PCDHA11: variants seen among roughly 807,000 people sequenced by gnomAD.
PCDHA11 encodes protocadherin alpha 11, also known as protocadherin alpha-11.
PCDHA11 carries 61 observed loss-of-function variants against 70.3 expected under a neutral mutation model. The ratio of observed to expected loss-of-function variants is 0.87; its 90% CI spans 0.71 to 1.07. The LOEUF (loss-of-function observed/expected upper bound fraction) is 1.07, where lower values mean the gene tolerates loss of function less well. Among genes scored for constraint, PCDHA11 ranks in the 50% least tolerant of loss-of-function variants. PCDHA11 has a pLI of 0.00. For synonymous variants in PCDHA11, 633 were observed against 555.1 expected, an observed-to-expected ratio of 1.14 and a Z score of -1.97; for missense variants, 1,324 against 1,237.5, an observed-to-expected ratio of 1.07 and a Z score of -1.05.
chr5:140,936,134 C>A (rs782197390), intron 1 of PCDHA11, among the ~76,000 whole-genome samples: 1 of 152,176 alleles, frequency 6.6e-6, no homozygotes, highest in Non-Finnish European at 1.5e-5. Context: ...CTTAAGTGAT[C>A]TGCCCGCCTT....
At chr5:140,905,211 G>T (rs1554191947) in intron 1 of PCDHA11, among the ~76,000 whole-genome samples, 1 of 152,130 alleles carries the variant, frequency 6.6e-6, no homozygotes, top group South Asian at 2.1e-4. Context: ...GTTGATTTTT[G>T]TGTAAGGTGA....
In PCDHA11 at chr5:140,869,463, C is replaced by T. The variant is rs1554163094; in HGVS notation, c.360C>T (p.Asn120=). Residue 120 remains asparagine (N), a synonymous_variant, in exon 1 of 4, where the codon AAC becomes AAT. Transcript: ENST00000398640. ...GGCCGCTGCAGGTTTTCCATGTGAA[C>T]GTGGAGGTGAAGGACATTAACGACA... The part of the protein sequence containing the change: ...VDRPLQVFHV[N]VEVKDINDNP... The T allele has an allele frequency of 6.2e-7, 1 of 1,614,148 alleles. No homozygotes were observed. The highest frequency in any genetic ancestry group is 1.1e-5 in the South Asian group (1 of 91,082).
At chr5:140,979,137 A>G (rs1554240284) in intron 2 of PCDHA11, 130 bp downstream of exon 2, 1 of 1,459,542 alleles carries the variant, frequency 6.9e-7, no homozygotes, top group Non-Finnish European at 9.0e-7. Context: ...GGAAAATGCA[A>G]TTATTTTGTC....
chr5:140,934,703 A>G (rs1348150058), intron 1 of PCDHA11, among the ~76,000 whole-genome samples: 1 of 152,156 alleles, frequency 6.6e-6, no homozygotes, highest in Non-Finnish European at 1.5e-5. Flanking sequence ...ATTCCTGGCC[A>G]TCTTACAAAA....
In PCDHA11 at chr5:140,879,424, A is replaced by T. The variant is rs181418893; in HGVS notation, c.2391+7930A>T. Reference sequence around the variant, plus strand: ...GTATTTGAGCAGGTAGGGAATGGAGATGAACATTTAAGAAAATGTTACTTT... The same window carrying T: ...GTATTTGAGCAGGTAGGGAATGGAGTTGAACATTTAAGAAAATGTTACTTT... On this transcript the variant is annotated intron_variant, in intron 1 of 3. Coordinates refer to ENST00000398640, the MANE Select transcript of PCDHA11 (RefSeq NM_018902.5). Among the ~76,000 whole-genome samples, 1,178 of 152,344 alleles carry T rather than the reference A, an allele frequency of 7.7e-3. 4 individuals carry two copies. The highest frequency in any genetic ancestry group is 0.013 in the Admixed American group (206 of 15,298).
Position 140,871,260 on chromosome 5 carries a change from G to T in PCDHA11, c.2157G>T (p.Ala719=), listed in dbSNP as rs761268820. Residue 719 remains alanine, a synonymous_variant, in exon 1 of 4, where the codon GCG becomes GCT. Transcript: ENST00000398640. ...TACTCACGCTGCTGCTGTATACGGC[G>T]CTGTGGTGGTCGGCAACGCCCACTG... The part of the protein sequence containing the change: ...LLVLTLLLYT[A]LWWSATPTEG... 22 of 1,613,980 alleles carry T rather than the reference G, an allele frequency of 1.4e-5. No homozygotes were observed. The highest frequency in any genetic ancestry group is 8.3e-5 in the Admixed American group (5 of 60,030).
intron 1 of PCDHA11, chr5:140,927,766 G>A: frequency 1.2e-6 from 2 of 1,614,234 alleles, no homozygotes; most frequent in Non-Finnish European, 1.7e-6. Context: ...TAAAAGTGGG[G>A]AGGTGCAAGT....
intron 1 of PCDHA11, among the ~76,000 whole-genome samples, chr5:140,871,921 A>G (rs1267841761): frequency 6.6e-6 from 1 of 152,296 alleles, no homozygotes; most frequent in African/African-American, 2.4e-5. Flanking sequence ...ATATTTCCAC[A>G]TTGTTAGATC....
At chr5:140,880,415 G>T (rs1481227492) in intron 1 of PCDHA11, among the ~76,000 whole-genome samples, 1 of 152,202 alleles carries the variant, frequency 6.6e-6, no homozygotes, top group Non-Finnish European at 1.5e-5. Context: ...GACCTTAAAA[G>T]CGGGAACAGT....
At chr5:141,009,295 A>T (rs782350734) in intron 3 of PCDHA11, among the ~76,000 whole-genome samples, 13 of 152,030 alleles carry the variant, frequency 8.6e-5, no homozygotes, top group Admixed American at 3.9e-4. Context: ...TTTCTATAAA[A>T]TTTTTTTTAA....
chr5:140,889,029 G>A (rs540289378), intron 1 of PCDHA11, among the ~76,000 whole-genome samples: 8 of 151,946 alleles, frequency 5.3e-5, no homozygotes, highest in African/African-American at 1.2e-4. Flanking sequence ...TTGGATAACC[G>A]TAATTTGATT....
At chr5:140,944,407 G>A (rs1384591675) in intron 1 of PCDHA11, among the ~76,000 whole-genome samples, 2 of 152,036 alleles carry the variant, frequency 1.3e-5, no homozygotes, top group East Asian at 1.9e-4. Context: ...GGCTGGTCTC[G>A]AACTCCTGAT....
At chr5:140,946,752 A>C (rs1470208958) in intron 1 of PCDHA11, among the ~76,000 whole-genome samples, 1 of 151,470 alleles carries the variant, frequency 6.6e-6, no homozygotes, top group East Asian at 1.9e-4. Context: ...CAAATACTGC[A>C]TGATCTCATT....
intron 1 of PCDHA11, among the ~76,000 whole-genome samples, chr5:140,936,995 A>G (rs2091251299): frequency 6.6e-6 from 1 of 151,864 alleles, no homozygotes; most frequent in Non-Finnish European, 1.5e-5. Flanking sequence ...CATTGACAAT[A>G]TTGAGACAGA....
chr5:140,881,369 T>C (rs2058687376), intron 1 of PCDHA11: 2 of 985,186 alleles, frequency 2.0e-6, no homozygotes, highest in Non-Finnish European at 2.4e-6. Flanking sequence ...TTCGTATGAA[T>C]TGCAGCCGGC....
intron 1 of PCDHA11, among the ~76,000 whole-genome samples, chr5:140,886,636 G>A (rs555391002): frequency 2.6e-5 from 4 of 151,866 alleles, no homozygotes; most frequent in Non-Finnish European, 4.4e-5. Flanking sequence ...GACCAGCCTG[G>A]CCAACATGGT....
chr5:141,000,158 A>G (rs1313496168), intron 3 of PCDHA11, among the ~76,000 whole-genome samples: 1 of 151,968 alleles, frequency 6.6e-6, no homozygotes, highest in Non-Finnish European at 1.5e-5. Context: ...AACAAAAACT[A>G]TTTGATTATT....
At chr5:140,960,079 A>G (rs1006555188) in intron 1 of PCDHA11, among the ~76,000 whole-genome samples, 1 of 152,228 alleles carries the variant, frequency 6.6e-6, no homozygotes, top group African/African-American at 2.4e-5. Flanking sequence ...TGAAGTTTCT[A>G]AAAGAGAAAG....
At chr5:140,877,189 G>A in intron 1 of PCDHA11, 1 of 1,613,808 alleles carries the variant, frequency 6.2e-7, no homozygotes, top group Non-Finnish European at 8.5e-7. Flanking sequence ...GGCTGGCAGC[G>A]CAGGAGGCGC....
Sources: allele counts gnomAD v4.1 joint callset (sites outside exome capture counted in the v4.1 genomes callset), GRCh38; gene constraint gnomAD v4.1.1; transcripts MANE v1.5; gene names NCBI Gene and HGNC (gene_info 2026-07-23, HGNC 2026-07-21).